Variants in CEP128 observed in about 807,000 individuals in gnomAD.
CEP128 encodes the protein centrosomal protein 128.
Under a neutral mutation model 156.7 loss-of-function variants are expected in CEP128, and 132 were observed. The observed-to-expected ratio is 0.84, with a 90% confidence interval of 0.73 to 0.97. The LOEUF (loss-of-function observed/expected upper bound fraction) is 0.97. Among genes scored for constraint, CEP128 ranks in the 50% least tolerant of loss-of-function variants. The probability of loss-of-function intolerance (pLI) is 0.00; values close to 1 mark genes in which losing one functional copy is unlikely to be tolerated. For synonymous variants in CEP128, 469 were observed against 448.9 expected (o/e 1.04, Z -0.57); for missense variants, 1,252 against 1,281.9 (o/e 0.98, Z 0.36).
At chr14:80,909,558 T>A (rs1034439378) in intron 4 of CEP128, among the ~76,000 whole-genome samples, 2 of 151,890 alleles carry the variant, frequency 1.3e-5, no homozygotes, top group African/African-American at 4.8e-5. Flanking sequence ...TGAAGATGAA[T>A]AGGATGATTT....
chr14:80,625,996 C>T (rs1230222685), intron 19 of CEP128, among the ~76,000 whole-genome samples: 2 of 152,090 alleles, frequency 1.3e-5, no homozygotes, highest in Non-Finnish European at 2.9e-5. Flanking sequence ...TAAATGGTAA[C>T]ACTGGTATAT....
intron 19 of CEP128, among the ~76,000 whole-genome samples, chr14:80,684,921 C>A (rs1285891389): frequency 6.6e-6 from 1 of 152,048 alleles, no homozygotes; most frequent in Non-Finnish European, 1.5e-5. Context: ...AAACCCTCAA[C>A]AAACTAGGCA....
intron 2 of CEP128, among the ~76,000 whole-genome samples, chr14:80,936,605 CAG>C (rs1885821633): frequency 6.6e-6 from 1 of 152,026 alleles, no homozygotes; most frequent in Non-Finnish European, 1.5e-5. Context: ...AACAAGATAC[CAG>C]AAACAAGCTT....
chr14:80,647,009 ATATGTGTGTGTATATATATGTGTGCATG>A (rs2140825209), intron 19 of CEP128, among the ~76,000 whole-genome samples: 3 of 121,650 alleles, frequency 2.5e-5, no homozygotes, highest in African/African-American at 5.5e-5. Context: ...ATATATATAT[ATATGTGTGTGTATATATATGTGTGCATG>A]TATATATATA....
chr14:80,836,869 C>T (rs1886105040), intron 11 of CEP128, among the ~76,000 whole-genome samples: 1 of 152,178 alleles, frequency 6.6e-6, no homozygotes, highest in East Asian at 1.9e-4. Flanking sequence ...ATAGCAGGTA[C>T]TTCCAAATGA....
chr14:80,915,390 C>T (rs1884489799), intron 3 of CEP128, among the ~76,000 whole-genome samples: 1 of 152,184 alleles, frequency 6.6e-6, no homozygotes, highest in Non-Finnish European at 1.5e-5. Flanking sequence ...CATGGCTTCG[C>T]CACCAGAAAT....
chr14:80,525,929 TAC>T (rs1345538470), intron 23 of CEP128, among the ~76,000 whole-genome samples: 2 of 152,184 alleles, frequency 1.3e-5, no homozygotes, highest in Non-Finnish European at 2.9e-5. Context: ...AGTGAATATA[TAC>T]AGTGTAATGA....
intron 19 of CEP128, among the ~76,000 whole-genome samples, chr14:80,702,065 C>T (rs1167116152): frequency 3.9e-5 from 6 of 152,166 alleles, no homozygotes; most frequent in African/African-American, 1.4e-4. Context: ...CCAAAAGCTC[C>T]TTCCCTGTTT....
chr14:80,770,465 A>G (rs1245745029), intron 16 of CEP128, among the ~76,000 whole-genome samples: 1 of 152,106 alleles, frequency 6.6e-6, no homozygotes, highest in Non-Finnish European at 1.5e-5. Context: ...AACATCTGAC[A>G]TTACATTTCA....
At chr14:80,919,697 TA>T (rs1053815009) in intron 2 of CEP128, among the ~76,000 whole-genome samples, 1 of 151,976 alleles carries the variant, frequency 6.6e-6, no homozygotes, top group African/African-American at 2.4e-5. Flanking sequence ...TTACTGGTAT[TA>T]AAAAAAATTA....
At chr14:80,924,800 A>G (rs906823257) in intron 2 of CEP128, among the ~76,000 whole-genome samples, 1 of 152,086 alleles carries the variant, frequency 6.6e-6, no homozygotes, top group Non-Finnish European at 1.5e-5. Flanking sequence ...TACTATAACT[A>G]AAGAAAAAAA....
intron 23 of CEP128, among the ~76,000 whole-genome samples, chr14:80,514,947 A>C (rs1594935461): frequency 6.6e-6 from 1 of 152,310 alleles, no homozygotes; most frequent in South Asian, 2.1e-4. Flanking sequence ...ATTAAAGGGC[A>C]CCTGAAGCCC....
At chr14:80,769,090 A>G (rs1414444546) in intron 16 of CEP128, among the ~76,000 whole-genome samples, 2 of 152,222 alleles carry the variant, frequency 1.3e-5, no homozygotes, top group Non-Finnish European at 2.9e-5. Context: ...GAAATGAAAT[A>G]TGGACAAGGG....
chr14:80,777,859 T>C, intron 16 of CEP128, 23 bp downstream of exon 16: 1 of 1,478,904 alleles, frequency 6.8e-7, no homozygotes, highest in Non-Finnish European at 9.3e-7. Context: ...GAATTTGAAA[T>C]TAGAATTCAC....
At chr14:80,542,563 C>T (rs1211193519) in intron 21 of CEP128, among the ~76,000 whole-genome samples, 1 of 152,132 alleles carries the variant, frequency 6.6e-6, no homozygotes, top group Non-Finnish European at 1.5e-5. Context: ...AAGATGAGAA[C>T]CAAGTCTTCT....
rs115195599 is a variant in CEP128 at position 80,498,160 on chromosome 14, C to T, written c.3182-578G>A. Reference sequence around the variant, plus strand: ...TACCCGTCTGCCCAGTTTCTCAAACCGTGGTTCCTCTCTTCCTTTGTCCTG... The same window carrying T: ...TACCCGTCTGCCCAGTTTCTCAAACTGTGGTTCCTCTCTTCCTTTGTCCTG... On this transcript the variant is annotated intron_variant, in intron 24 of 24. Coordinates refer to ENST00000555265, the MANE Select transcript of CEP128 (RefSeq NM_152446.5). Among the ~76,000 whole-genome samples the T allele has an allele frequency of 5.0e-3, 759 of 152,212 alleles. 10 individuals carry two copies. The highest frequency in any genetic ancestry group is 0.018 in the African/African-American group (731 of 41,538).
intron 19 of CEP128, among the ~76,000 whole-genome samples, chr14:80,732,887 A>G (rs4899777): frequency 0.95 from 143,891 of 152,116 alleles, 68,130 homozygotes; most frequent in East Asian, 1. Flanking sequence ...AACCCTTGTA[A>G]GTATGAAGCA....
chr14:80,743,415 T>G lies in CEP128; in HGVS notation c.2614-148A>C, dbSNP rs1898935467. On this transcript the variant is annotated intron_variant, in intron 18 of 24. Coordinates refer to ENST00000555265, the MANE Select transcript of CEP128 (RefSeq NM_152446.5). Reference sequence around the variant, plus strand: ...AAATTTTAAAATATCCATGTTTAATTTGCATAATGGTCTACAGCAAGTAAA... The same window carrying G: ...AAATTTTAAAATATCCATGTTTAATGTGCATAATGGTCTACAGCAAGTAAA... 6.4e-6 allele frequency: 4 copies of G among 621,680 alleles called. No individual in the cohort carries two copies. The Admixed American group carries it at 8.9e-5, about 14-fold the overall frequency. The allele number at this position is 621,680 out of a possible 1,614,324, so 38.5% of individuals were successfully genotyped here. A position where few individuals can be genotyped will look rare whatever the true frequency, so the allele number is the denominator to read the frequency against.
At chr14:80,892,754 T>C (rs1230351014) in intron 8 of CEP128, among the ~76,000 whole-genome samples, 2 of 151,910 alleles carry the variant, frequency 1.3e-5, no homozygotes, top group Non-Finnish European at 2.9e-5. Context: ...AAATAGACAT[T>C]TCTCCATAGA....
Sources: allele counts gnomAD v4.1 joint callset (sites outside exome capture counted in the v4.1 genomes callset), GRCh38; gene constraint gnomAD v4.1.1; transcripts MANE v1.5; gene names NCBI Gene and HGNC (gene_info 2026-07-23, HGNC 2026-07-21).